HHATL: variants seen among roughly 807,000 people sequenced by gnomAD.
HHATL encodes the protein hedgehog acyltransferase like, also known as protein-cysteine N-palmitoyltransferase HHAT-like protein.
A neutral mutation model predicts 59.7 loss-of-function variants in HHATL; 49 were observed. The observed-to-expected ratio is 0.82, with a 90% CI of 0.65 to 1.04. The LOEUF (loss-of-function observed/expected upper bound fraction) is 1.04, where lower values mean the gene tolerates loss of function less well. Among genes scored for constraint, HHATL ranks in the 50% least tolerant of loss-of-function variants. The pLI is 0.00. For synonymous variants in HHATL, 238 were observed against 257.3 expected (o/e 0.93, Z 0.72); for missense variants, 605 against 650.8 (o/e 0.93, Z 0.77).
At chr3:42,693,567 C>A (rs1434128207) in intron 10 of HHATL, 50 bp downstream of exon 10, 2 of 1,517,956 alleles carry the variant, frequency 1.3e-6, no homozygotes, top group African/African-American at 1.4e-5. Context: ...GCAGTGCCCC[C>A]CCGCCCTCTA....
chr3:42,693,372 T>C (rs1206384935), intron 10 of HHATL, 154 bp from the exon 11 acceptor site: 1 of 970,662 alleles, frequency 1.0e-6, no homozygotes, highest in Middle Eastern at 3.2e-4. Flanking sequence ...TTGTTAAACA[T>C]GGGGAAACAG....
chr3:42,699,285 TTAA>T (rs957947976), intron 3 of HHATL, 140 bp from the exon 4 acceptor site: 14 of 439,146 alleles, frequency 3.2e-5, no homozygotes, highest in Admixed American at 8.0e-5. Flanking sequence ...ATTTTTAAAT[TTAA>T]TAATAATAAT....
In HHATL at chr3:42,693,215, AGGCCTATCC is replaced by A. The variant is rs1697430498; in HGVS notation, c.1249-6_1251del. 5 of 1,613,860 alleles carry A rather than the reference AGGCCTATCC, an allele frequency of 3.1e-6. No homozygotes were observed. Among genetic ancestry groups the A allele is most frequent in the Non-Finnish European group, 4.2e-6 (5 of 1,179,932 alleles). ...CTACGGGACATCTGCACTGACAGAG[AGGCCTATCC>A]GGTCCAGGAAAGCATGGGCAGCGGG... On this transcript the variant is annotated splice_acceptor_variant and splice_polypyrimidine_tract_variant and coding_sequence_variant and intron_variant, in exon 11 of 12. Coordinates refer to ENST00000441594, the MANE Select transcript of HHATL (RefSeq NM_020707.4). LOFTEE classifies it high-confidence loss of function.
chr3:42,698,354 G>C lies in HHATL; in HGVS notation c.484-3C>G, dbSNP rs774480376. On this transcript the variant is annotated splice_region_variant and splice_polypyrimidine_tract_variant and intron_variant, in intron 5 of 11. Transcript: ENST00000441594. ...AAAGTGCCTGTTACAAACCCGCTCTGGAGGGGGAAAGAACAGGCCACCAGC... is the reference window on the plus strand; with the variant it reads ...AAAGTGCCTGTTACAAACCCGCTCTCGAGGGGGAAAGAACAGGCCACCAGC... The C allele has an allele frequency of 6.2e-7, 1 of 1,608,942 alleles. No individual in the cohort carries two copies. The highest frequency in any genetic ancestry group is 8.5e-7 in the Non-Finnish European group (1 of 1,176,942).
In HHATL at chr3:42,693,756, A is replaced by G. The variant is rs773233374; in HGVS notation, c.1109T>C (p.Val370Ala). 6.8e-6 allele frequency: 11 copies of G among 1,614,184 alleles called. No homozygotes were observed. The South Asian group carries it at 1.2e-4, about 18-fold the overall frequency. The change falls in exon 10 of 12, where the codon GTG (valine) becomes GCG (alanine). Residue 370 changes from valine to alanine, a missense_variant. By Grantham distance (64) the Val-to-Ala change is moderately conservative. Transcript: ENST00000441594. Reference sequence around the variant, plus strand: ...CAGTGTGGTGATGGCAAATGTGGCCACTGTGGCTGCCAGCTCTGGGATCAC... The same window carrying G: ...CAGTGTGGTGATGGCAAATGTGGCCGCTGTGGCTGCCAGCTCTGGGATCAC... ...SAVIPELAAT[V>A]ATFAITTLWL...
chr3:42,696,972 G>T (rs748106951), intron 8 of HHATL, 29 bp downstream of exon 8: 2 of 1,612,828 alleles, frequency 1.2e-6, no homozygotes, highest in Non-Finnish European at 1.7e-6. Flanking sequence ...CCCAGGGGGT[G>T]AGCCTCCCCC....
Position 42,693,237 on chromosome 3 carries a change from CA to C in HHATL, c.1249-20del. 1 of 1,612,240 alleles carries C rather than the reference CA, an allele frequency of 6.2e-7. No homozygotes were observed. The highest frequency in any genetic ancestry group is 1.3e-5 in the African/African-American group (1 of 75,012). On this transcript the variant is annotated intron_variant, in intron 10 of 11. Coordinates refer to ENST00000441594, the MANE Select transcript of HHATL (RefSeq NM_020707.4). ...GAGAGGCCTATCCGGTCCAGGAAAG[CA>C]TGGGCAGCGGGACAAGAGGCCAAAG...
At chr3:42,698,979 G>A in intron 4 of HHATL, 53 bp downstream of exon 4, 1 of 1,611,428 alleles carries the variant, frequency 6.2e-7, no homozygotes, top group Non-Finnish European at 8.5e-7. Context: ...CACAACCCTT[G>A]TGGTGAAAGA....
intron 9 of HHATL, 59 bp from the exon 10 acceptor site, chr3:42,693,877 G>A: frequency 9.8e-6 from 14 of 1,430,774 alleles, no homozygotes; most frequent in Non-Finnish European, 1.3e-5. Context: ...GGATGAGATG[G>A]GAGAGGACAC....
At chr3:42,700,334 TTG>T (rs1452392891) in intron 2 of HHATL, among the ~76,000 whole-genome samples, 1 of 100,378 alleles carries the variant, frequency 1.0e-5, no homozygotes. Flanking sequence ...GTCTGTGTGT[TTG>T]TGTGTGTGTC....
intron 2 of HHATL, among the ~76,000 whole-genome samples, chr3:42,700,104 A>G (rs1221552039): frequency 8.5e-3 from 251 of 29,464 alleles, no homozygotes; most frequent in African/African-American, 0.01. Flanking sequence ...GTGTGTCGGG[A>G]TGTGTGTGTG....
chr3:42,698,953 C>T, intron 4 of HHATL, 51 bp from the exon 5 acceptor site: 1 of 1,608,626 alleles, frequency 6.2e-7, no homozygotes, highest in East Asian at 2.2e-5. Context: ...GGGGCGTGAC[C>T]CCAGGAGGGG....
chr3:42,698,738 G>A lies in HHATL; in HGVS notation c.453C>T (p.Ser151=), dbSNP rs764684113. The change falls in exon 5 of 12, where the codon TCC becomes TCT. Residue 151 remains serine (S), a synonymous_variant. Coordinates refer to ENST00000441594, the MANE Select transcript of HHATL (RefSeq NM_020707.4). ...CLGLGLASLA[S]FKMDPLISWQ... is the part of the protein sequence containing the mutation. ...AAGAGATTAGGGGGTCCATCTTGAAGGAGGCCAGGCTGGCCAAGCCAAGGC... is the reference window on the plus strand; with the variant it reads ...AAGAGATTAGGGGGTCCATCTTGAAAGAGGCCAGGCTGGCCAAGCCAAGGC... The A allele has an allele frequency of 6.3e-7, 1 of 1,589,960 alleles. No individual in the cohort carries two copies. Among genetic ancestry groups the A allele is most frequent in the South Asian group, 1.2e-5 (1 of 86,896 alleles).
intron 11 of HHATL, 90 bp downstream of exon 11, chr3:42,692,987 T>C (rs1358850561): frequency 1.0e-5 from 16 of 1,587,970 alleles, no homozygotes; most frequent in Non-Finnish European, 1.3e-5. Context: ...GTCCCAGGGG[T>C]GATGAGGGAG....
chr3:42,701,145 C>T lies in HHATL; in HGVS notation c.-13-306G>A, dbSNP rs188442247. Reference sequence around the variant, plus strand: ...ACATCTTCATACCTTCCAGAGGCACCGGCCCCACCCTCTGCCAAAACCGCT... The same window carrying T: ...ACATCTTCATACCTTCCAGAGGCACTGGCCCCACCCTCTGCCAAAACCGCT... On this transcript the variant is annotated intron_variant, in intron 1 of 11. Coordinates refer to ENST00000441594, the MANE Select transcript of HHATL (RefSeq NM_020707.4). This position sits in a 1 kb window ranked among gnomAD's most constrained non-coding sequence, Gnocchi z 5.1. 5.0e-5 allele frequency: 17 copies of T among 338,764 alleles called. No homozygotes were observed. Among genetic ancestry groups the T allele is most frequent in the Non-Finnish European group, 7.2e-5 (13 of 181,350 alleles). The allele number at this position is 338,764 out of a possible 1,614,324, so 21.0% of individuals were successfully genotyped here. A position where few individuals can be genotyped will look rare whatever the true frequency, so the allele number is the denominator to read the frequency against.
rs2125852489 is a variant in HHATL, at chr3:42,696,874, G to A, written c.1014C>T (p.His338=). ...ITALYVFAET[H]FDRGINDWLC... is the part of the protein sequence containing the mutation. ...GCCAGTCGTTGATGCCACGGTCAAA[G>A]TGCCTGTAAGAGGAAAGCAGATGGG... Residue 338 remains histidine, a synonymous_variant, in exon 9 of 12, where the codon CAC becomes CAT. Coordinates refer to ENST00000441594, the MANE Select transcript of HHATL (RefSeq NM_020707.4). 1 of 1,614,194 alleles carries A rather than the reference G, an allele frequency of 6.2e-7. No homozygotes were observed. The highest frequency in any genetic ancestry group is 1.1e-5 in the South Asian group (1 of 91,076).
rs61739734 is a variant in HHATL at position 42,699,048 on chromosome 3, G to T, written c.272C>A (p.Thr91Lys). 1.2e-6 allele frequency: 2 copies of T among 1,614,156 alleles called. No individual in the cohort carries two copies. Among genetic ancestry groups the T allele is most frequent in the Non-Finnish European group, 1.7e-6 (2 of 1,179,988 alleles). Residue 91 changes from threonine (T) to lysine (K), a missense_variant, in exon 4 of 12, where the codon ACG (threonine) becomes AAG (lysine). Coordinates refer to ENST00000441594, the MANE Select transcript of HHATL (RefSeq NM_020707.4). Reference protein sequence around the residue: ...SGHVLFAKLCTMVAPKLRSWM... With the variant: ...SGHVLFAKLCKMVAPKLRSWM... ...CCAGCTCACCTTTGGGGCAACCATC[G>T]TGCAGAGTTTAGCAAACAGCACATG...
rs149682326 is a variant in HHATL at position 42,699,077 on chromosome 3, G to A, written c.243C>T (p.Ser81=). Residue 81 remains serine (S), a synonymous_variant, in exon 4 of 12, where the codon TCC becomes TCT. Coordinates refer to ENST00000441594, the MANE Select transcript of HHATL (RefSeq NM_020707.4). ...AGAGTTTAGCAAACAGCACATGTCC[G>A]GAGAGGGCAAAGATGATGACGTTGC... ...SFRNVIIFAL[S]GHVLFAKLCT... The A allele has an allele frequency of 6.7e-4, 1,079 of 1,614,120 alleles. 4 individuals carry two copies. The highest frequency in any genetic ancestry group is 6.1e-3 in the African/African-American group (455 of 75,024).
In HHATL at chr3:42,698,679, A is replaced by G. The variant is rs1450298014; in HGVS notation, c.483+29T>C. The stretch of plus-strand genomic sequence containing the variant: ...GTGAGAGGTTTGGGATCTTATCCCT[A>G]CACCCTCTACCCCTGCACCAGTTCA... On this transcript the variant is annotated intron_variant, in intron 5 of 11. Coordinates refer to ENST00000441594, the MANE Select transcript of HHATL (RefSeq NM_020707.4). 3 of 1,526,100 alleles carry G rather than the reference A, an allele frequency of 2.0e-6. No individual in the cohort carries two copies. The African/African-American group carries it at 4.2e-5, about 21-fold the overall frequency. The allele number at this position is 1,526,100 out of a possible 1,614,324, so 94.5% of individuals were successfully genotyped here.
Sources: allele counts gnomAD v4.1 joint callset (sites outside exome capture counted in the v4.1 genomes callset), GRCh38; gene constraint gnomAD v4.1.1; non-coding constraint Gnocchi (gnomAD v3.1); transcripts MANE v1.5; gene names NCBI Gene and HGNC (gene_info 2026-07-23, HGNC 2026-07-21).